TENM2: variants seen among roughly 807,000 people sequenced by gnomAD.
The protein encoded by TENM2 is teneurin transmembrane protein 2.
A neutral mutation model predicts 245.2 loss-of-function variants in TENM2; 52 were observed. The ratio of observed to expected loss-of-function variants is 0.21; its 90% CI spans 0.17 to 0.27. The LOEUF is 0.27. TENM2 is among the 10% of genes least tolerant of loss of function. The pLI, the probability that TENM2 is intolerant of heterozygous loss-of-function variation, is 1.00. For synonymous variants in TENM2, 1,363 were observed against 1,438.9 expected (o/e 0.95, Z 1.19); for missense variants, 3,046 against 3,666.8 (o/e 0.83, Z 4.37).
intron 3 of TENM2, among the ~76,000 whole-genome samples, chr5:167,947,628 A>G (rs532379003): frequency 6.6e-6 from 1 of 152,320 alleles, no homozygotes; most frequent in South Asian, 2.1e-4. Context: ...TCCTGGTGCC[A>G]GTTATCATCA....
chr5:167,429,605 CTCTTTTTT>C (rs972642884), intron 2 of TENM2, among the ~76,000 whole-genome samples: 6 of 132,254 alleles, frequency 4.5e-5, no homozygotes, highest in Admixed American at 2.4e-4. Context: ...CTCTCTCTCT[CTCTTTTTT>C]TTTTTTTTTT....
At chr5:167,489,128 C>G (rs1384799744) in intron 2 of TENM2, among the ~76,000 whole-genome samples, 1 of 152,186 alleles carries the variant, frequency 6.6e-6, no homozygotes, top group Non-Finnish European at 1.5e-5. Flanking sequence ...GATTCTTGCC[C>G]TTACAATCTT....
At chr5:167,947,904 C>T (rs1326240879) in intron 3 of TENM2, among the ~76,000 whole-genome samples, 2 of 152,102 alleles carry the variant, frequency 1.3e-5, no homozygotes, top group Non-Finnish European at 2.9e-5. Context: ...CATTTCTAAT[C>T]ACCAGGAAAA....
chr5:167,029,995 C>G, the TENM2 span, among the ~76,000 whole-genome samples: 4 of 152,172 alleles, frequency 2.6e-5, no homozygotes, highest in Non-Finnish European at 4.4e-5. Context: ...CACATGAGTA[C>G]TCTTCTGATT....
Position 167,482,058 on chromosome 5 carries a change from G to A in TENM2, c.502+106585G>A, listed in dbSNP as rs562095479. Among the ~76,000 whole-genome samples, 36 of 152,228 alleles carry A rather than the reference G, an allele frequency of 2.4e-4. 1 individual carries two copies. In the South Asian group the frequency reaches 6.6e-3, roughly 28 times the overall value. On this transcript the variant is annotated intron_variant, in intron 2 of 28. Coordinates refer to ENST00000518659, the Ensembl canonical transcript of TENM2. ...TTGTAAAAAATGTTTCATCGCTATA[G>A]AGTTATCTTTCAAAAATGTAATTTT... is the stretch of plus-strand genomic sequence containing the variant.
intron 6 of TENM2, among the ~76,000 whole-genome samples, chr5:168,052,190 A>G (rs768910780): frequency 5.9e-5 from 9 of 152,052 alleles, no homozygotes; most frequent in Non-Finnish European, 1.0e-4. Flanking sequence ...GATCAAGACC[A>G]TCCTGGCTAA....
chr5:168,141,565 G>C (rs1755552382), intron 12 of TENM2, among the ~76,000 whole-genome samples: 2 of 152,162 alleles, frequency 1.3e-5, no homozygotes, highest in Admixed American at 6.5e-5. Context: ...AGAAAAGTTT[G>C]GGAAGTGTCT....
intron 1 of TENM2, among the ~76,000 whole-genome samples, chr5:167,306,079 C>A (rs944551155): frequency 6.6e-6 from 1 of 152,110 alleles, no homozygotes; most frequent in African/African-American, 2.4e-5. Flanking sequence ...TAAGGGGAAC[C>A]AGCATCCCAA....
At chr5:167,964,543 A>G (rs1309553226) in intron 4 of TENM2, among the ~76,000 whole-genome samples, 1 of 152,222 alleles carries the variant, frequency 6.6e-6, no homozygotes, top group Non-Finnish European at 1.5e-5. Context: ...AAAGGAGAAA[A>G]ACAAAACCTC....
chr5:168,109,691 G>T (rs951107069), intron 9 of TENM2, among the ~76,000 whole-genome samples: 7 of 152,154 alleles, frequency 4.6e-5, no homozygotes, highest in African/African-American at 1.7e-4. Context: ...ATTCTAACAG[G>T]GTCCCCAGAT....
intron 2 of TENM2, among the ~76,000 whole-genome samples, chr5:167,377,803 C>A (rs1760854537): frequency 6.6e-6 from 1 of 152,128 alleles, no homozygotes; most frequent in Admixed American, 6.5e-5. Context: ...ACAGTTGCCC[C>A]ACTGGTTCCA....
At chr5:167,302,934 C>T (rs527797039) in intron 1 of TENM2, among the ~76,000 whole-genome samples, 32 of 152,062 alleles carry the variant, frequency 2.1e-4, no homozygotes, top group Non-Finnish European at 4.0e-4. Context: ...GCTGCCTTCC[C>T]GAGTCCGTGA....
At chr5:167,641,891 C>G (rs1201701033) in intron 2 of TENM2, among the ~76,000 whole-genome samples, 1 of 152,098 alleles carries the variant, frequency 6.6e-6, no homozygotes, top group Non-Finnish European at 1.5e-5. Flanking sequence ...GCCTGTAATC[C>G]TAGCACTTTG....
chr5:167,632,350 A>G (rs1335361931), intron 2 of TENM2, among the ~76,000 whole-genome samples: 2 of 152,238 alleles, frequency 1.3e-5, no homozygotes, highest in Admixed American at 6.5e-5. Flanking sequence ...ATTGTTCTAC[A>G]TGCCTTGGGA....
intron 2 of TENM2, among the ~76,000 whole-genome samples, chr5:167,777,743 G>A (rs1763911055): frequency 1.3e-5 from 2 of 152,120 alleles, no homozygotes; most frequent in African/African-American, 2.4e-5. Flanking sequence ...GCTAGGTCTT[G>A]TTTAGTATTA....
chr5:167,678,942 G>A (rs1376009544), intron 2 of TENM2, among the ~76,000 whole-genome samples: 1 of 151,984 alleles, frequency 6.6e-6, no homozygotes, highest in Admixed American at 6.6e-5. Context: ...CTTTTCTTCG[G>A]CAAAGTTGAC....
chr5:167,215,422 C>A, the TENM2 span, among the ~76,000 whole-genome samples: 1 of 152,102 alleles, frequency 6.6e-6, no homozygotes. Context: ...CAAATGCAGT[C>A]CAGGCTCCAT....
chr5:167,092,474 A>C, the TENM2 span, among the ~76,000 whole-genome samples: 8 of 152,236 alleles, frequency 5.3e-5, no homozygotes, highest in Non-Finnish European at 8.8e-5. Context: ...AATTAAAAGA[A>C]AATACAGCTG....
At chr5:167,901,133 C>T (rs991878836) in intron 3 of TENM2, among the ~76,000 whole-genome samples, 9 of 152,016 alleles carry the variant, frequency 5.9e-5, no homozygotes, top group African/African-American at 1.4e-4. Context: ...AAATTGAACA[C>T]CCAGAGATGA....
Sources: allele counts gnomAD v4.1 joint callset (sites outside exome capture counted in the v4.1 genomes callset), GRCh38; gene constraint gnomAD v4.1.1; transcripts MANE v1.5; gene names NCBI Gene and HGNC (gene_info 2026-07-23, HGNC 2026-07-21).